Variants in UBAP1 observed in about 807,000 individuals in gnomAD.
UBAP1 encodes ubiquitin associated protein 1.
A neutral mutation model predicts 39.0 loss-of-function variants in UBAP1; 5 were observed. The observed-to-expected ratio is 0.13, with a 90% CI of 0.07 to 0.27. The LOEUF is 0.27. Ranked by LOEUF, UBAP1 falls within the 10% of genes least tolerant of loss-of-function variation. The pLI is 1.00. For missense variants in UBAP1, 490 were observed against 608.1 expected (o/e 0.81, Z 2.04); for synonymous variants, 211 against 225.1 (o/e 0.94, Z 0.56).
chr9:34,242,629 A>G (rs574987344), intron 4 of UBAP1, among the ~76,000 whole-genome samples: 26 of 152,102 alleles, frequency 1.7e-4, no homozygotes, highest in Admixed American at 3.3e-4. Context: ...CTCTCACGCA[A>G]TTCTCCTGCC....
intron 4 of UBAP1, 115 bp from the exon 5 acceptor site, chr9:34,249,664 C>G: frequency 1.0e-6 from 1 of 997,066 alleles, no homozygotes; most frequent in Middle Eastern, 2.4e-4. Flanking sequence ...CCAACCTGAC[C>G]GCTTTTCTTG....
chr9:34,245,942 A>G (rs1445314998), intron 4 of UBAP1, among the ~76,000 whole-genome samples: 1 of 151,916 alleles, frequency 6.6e-6, no homozygotes, highest in Non-Finnish European at 1.5e-5. Flanking sequence ...GGATTGCTTG[A>G]GCCCAGGACT....
At chr9:34,197,904 A>AAGT (rs1831154669) in intron 1 of UBAP1, among the ~76,000 whole-genome samples, 1 of 152,158 alleles carries the variant, frequency 6.6e-6, no homozygotes, top group Admixed American at 6.6e-5. Flanking sequence ...GCATTTGAGG[A>AAGT]AGTAGTCACT....
In UBAP1 at chr9:34,241,843, C is replaced by G. The variant is rs147238897; in HGVS notation, c.818C>G (p.Ser273Cys). 1.9e-6 allele frequency: 3 copies of G among 1,614,044 alleles called. No individual in the cohort carries two copies. The African/African-American group carries it at 4.0e-5, about 22-fold the overall frequency. ...IKSLSFPKLD[S>C]DDSNQKTAKL... ...TCCCTGTCTTTCCCCAAACTTGACT[C>G]TGATGACAGCAATCAGAAGACAGCC... is the stretch of plus-strand genomic sequence containing the variant. Residue 273 changes from serine (S) to cysteine (C), a missense_variant, in exon 4 of 7, where the codon TCT becomes TGT. Physicochemically the swap from Ser to Cys is moderately radical, Grantham distance 112 (BLOSUM62 -1). This residue lies in a region of UBAP1 where 339 missense variants were observed against 390.0 expected (regional missense o/e 0.87). Coordinates refer to ENST00000297661, the MANE Select transcript of UBAP1 (RefSeq NM_016525.5).
intron 1 of UBAP1, chr9:34,191,812 C>T (rs546172182): frequency 3.3e-5 from 5 of 152,622 alleles, no homozygotes; most frequent in African/African-American, 1.2e-4. Flanking sequence ...TGCCAAATTC[C>T]AAAGGAATCT....
chr9:34,203,318 C>G (rs1563895559), intron 1 of UBAP1, among the ~76,000 whole-genome samples: 1 of 152,144 alleles, frequency 6.6e-6, no homozygotes, highest in Non-Finnish European at 1.5e-5. Flanking sequence ...TCTCTAAAAA[C>G]AAGGATCAAC....
At chr9:34,228,359 A>G (rs1401226294) in intron 2 of UBAP1, among the ~76,000 whole-genome samples, 1 of 149,284 alleles carries the variant, frequency 6.7e-6, no homozygotes, top group East Asian at 2.0e-4. Context: ...CGGAGCTTGC[A>G]GTGAGCCGAG....
At position 34,210,430 on chromosome 9, in the gene UBAP1, G is replaced by A. The variant is rs116947600; in HGVS notation, c.-7-10478G>A. On this transcript the variant is annotated intron_variant, in intron 1 of 6. Transcript: ENST00000297661. ...CTATTCTGTTCAAATAAAAATTTAC[G>A]TTTTCTGGCCAGGTGCGGTGGCTCA... Among the ~76,000 whole-genome samples the A allele has an allele frequency of 3.9e-5, 6 of 152,212 alleles. No homozygotes were observed. In the East Asian group the frequency reaches 5.8e-4, roughly 15 times the overall value.
In UBAP1 at chr9:34,241,283, A is replaced by C; in HGVS notation, c.258A>C (p.Ala86=). 1 of 1,507,110 alleles carries C rather than the reference A, an allele frequency of 6.6e-7. No individual in the cohort carries two copies. Among genetic ancestry groups the C allele is most frequent in the Non-Finnish European group, 8.9e-7 (1 of 1,128,804 alleles). The allele number at this position is 1,507,110 out of a possible 1,614,324, so 93.4% of individuals were successfully genotyped here. The change falls in exon 4 of 7, where the codon GCA becomes GCC. Residue 86 remains alanine (A), a synonymous_variant. Coordinates refer to ENST00000297661, the MANE Select transcript of UBAP1 (RefSeq NM_016525.5). The part of the protein sequence containing the change: ...EREAECKIAE[A]EAKVNSKSGP... ...AAGCAGAGTGCAAAATTGCGGAAGC[A>C]GAAGCTAAAGTGAATTCTAAGAGTG...
intron 3 of UBAP1, 122 bp downstream of exon 3, chr9:34,234,462 AC>A: frequency 1.8e-6 from 2 of 1,120,182 alleles, no homozygotes; most frequent in Non-Finnish European, 2.5e-6. Flanking sequence ...TCAACGATGG[AC>A]CACATATACA....
chr9:34,194,289 C>T lies in UBAP1; in HGVS notation c.-8+15049C>T, dbSNP rs545545592. On this transcript the variant is annotated intron_variant, in intron 1 of 6. Coordinates refer to ENST00000297661, the MANE Select transcript of UBAP1 (RefSeq NM_016525.5). ...ATAGCTATTTTGAAAAGTTAGAATA[C>T]AGAGATGTATAAAAAGAAAAATTCT... is the stretch of plus-strand genomic sequence containing the variant. Among the ~76,000 whole-genome samples, 16 of 151,326 alleles carry T rather than the reference C, an allele frequency of 1.1e-4. No homozygotes were observed. The South Asian group carries it at 3.3e-3, about 32-fold the overall frequency.
intron 3 of UBAP1, among the ~76,000 whole-genome samples, chr9:34,235,569 G>T (rs1480932461): frequency 7.2e-5 from 11 of 152,126 alleles, no homozygotes; most frequent in Admixed American, 7.2e-4. Flanking sequence ...TCAATCTCCT[G>T]ACCTCGTGAT....
chr9:34,217,780 G>GTTTTTT (rs1402104440), intron 1 of UBAP1, among the ~76,000 whole-genome samples: 1 of 29,404 alleles, frequency 3.4e-5, no homozygotes, highest in Non-Finnish European at 6.9e-5. Context: ...ACAGGATTTC[G>GTTTTTT]TTCTTTTTTT....
chr9:34,193,748 T>G (rs1412987695), intron 1 of UBAP1, among the ~76,000 whole-genome samples: 3 of 152,162 alleles, frequency 2.0e-5, no homozygotes, highest in Non-Finnish European at 2.9e-5. Flanking sequence ...TTCTATACCC[T>G]TCTTGGGGCA....
chr9:34,212,285 C>T (rs977896356), intron 1 of UBAP1, among the ~76,000 whole-genome samples: 5 of 151,688 alleles, frequency 3.3e-5, no homozygotes, highest in African/African-American at 1.2e-4. Flanking sequence ...GGAATGGTGG[C>T]TTATACCTGT....
intron 1 of UBAP1, among the ~76,000 whole-genome samples, chr9:34,217,032 C>T (rs974743065): frequency 1.3e-5 from 2 of 152,054 alleles, no homozygotes; most frequent in African/African-American, 4.8e-5. Flanking sequence ...CTTTACTACC[C>T]TCCCCACCTC....
intron 1 of UBAP1, among the ~76,000 whole-genome samples, chr9:34,197,654 A>G (rs536531131): frequency 6.1e-4 from 92 of 151,972 alleles, no homozygotes; most frequent in Non-Finnish European, 9.4e-4. Flanking sequence ...GGTTCAAGTG[A>G]TTGTCCTGCC....
chr9:34,219,693 TTCCTCTCCTC>T (rs1194329116), intron 1 of UBAP1, among the ~76,000 whole-genome samples: 1 of 51,852 alleles, frequency 1.9e-5, no homozygotes, highest in Non-Finnish European at 4.0e-5. Context: ...CTCCCCTCCT[TTCCTCTCCTC>T]TCCTCTCCCC....
At chr9:34,213,076 A>G (rs1479144201) in intron 1 of UBAP1, among the ~76,000 whole-genome samples, 1 of 152,242 alleles carries the variant, frequency 6.6e-6, no homozygotes, top group East Asian at 1.9e-4. Context: ...GATACACCAC[A>G]TAAACAGAAT....
Sources: gnomAD v4.1 joint callset for allele counts (sites outside exome capture counted in the v4.1 genomes callset) on GRCh38, gnomAD v4.1.1 for gene constraint, gnomAD v4.1.1 regional missense constraint, MANE v1.5 for transcripts, NCBI Gene and HGNC (gene_info 2026-07-23, HGNC 2026-07-21) for gene names.